The following PM20D1 variants were observed in gnomAD, a reference collection of about 807,000 sequenced individuals.
PM20D1 encodes peptidase M20 domain containing 1, also known as N-fatty-acyl-amino acid synthase/hydrolase PM20D1.
Under a neutral mutation model 53.8 loss-of-function variants are expected in PM20D1, and 53 were observed. The ratio of observed to expected loss-of-function variants is 0.98; its 90% CI spans 0.79 to 1.24. The LOEUF is 1.24. Ranked by LOEUF, PM20D1 falls within the 50% of genes most tolerant of loss-of-function variation. The probability of loss-of-function intolerance (pLI) is 0.00; values close to 1 mark genes in which losing one functional copy is unlikely to be tolerated. For synonymous variants in PM20D1, 239 were observed against 241.3 expected, an observed-to-expected ratio of 0.99 and a Z score of 0.09; for missense variants, 564 against 616.8, an observed-to-expected ratio of 0.91 and a Z score of 0.91.
intron 1 of PM20D1, among the ~76,000 whole-genome samples, chr1:205,848,402 C>T (rs867557682): frequency 1.3e-5 from 2 of 152,216 alleles, no homozygotes; most frequent in African/African-American, 4.8e-5. Flanking sequence ...TGGGTCCCTA[C>T]ATCAATGAGG....
intron 12 of PM20D1, among the ~76,000 whole-genome samples, chr1:205,829,374 G>C (rs1656509380): frequency 6.6e-6 from 1 of 152,028 alleles, no homozygotes; most frequent in Admixed American, 6.6e-5. Flanking sequence ...AGAATGCCTA[G>C]CTAGACTATC....
intron 6 of PM20D1, 98 bp from the exon 7 acceptor site, chr1:205,842,849 T>C (rs1248308922): frequency 9.3e-7 from 1 of 1,079,262 alleles, no homozygotes; most frequent in Non-Finnish European, 1.4e-6. Context: ...GTTTCAACGC[T>C]CCTGGCCAAG....
Position 205,840,307 on chromosome 1 carries a change from G to A in PM20D1, c.1061C>T (p.Pro354Leu), listed in dbSNP as rs779828012. ...KAGVKFNVIP[P>L]VAQATVNFRI... Reference sequence around the variant, plus strand: ...GAAGTTGACTGTGGCCTGGGCCACTGGGGGGATGACATTGAACTAGAGAGA... The same window carrying A: ...GAAGTTGACTGTGGCCTGGGCCACTAGGGGGATGACATTGAACTAGAGAGA... Residue 354 changes from proline to leucine, a missense_variant, in exon 10 of 13, where the codon CCA becomes CTA. Transcript: ENST00000367136. 5 of 1,613,418 alleles carry A rather than the reference G, an allele frequency of 3.1e-6. No homozygotes were observed. Among genetic ancestry groups the A allele is most frequent in the Non-Finnish European group, 4.2e-6 (5 of 1,179,534 alleles).
At position 205,828,353 on chromosome 1, in the gene PM20D1, TA is replaced by T; in HGVS notation, c.*266del. 1 of 328,912 alleles carries T rather than the reference TA, an allele frequency of 3.0e-6. No homozygotes were observed. The highest frequency in any genetic ancestry group is 5.0e-5 in the South Asian group (1 of 19,912). 20.4% of individuals were successfully genotyped at this position (328,912 alleles called of 1,614,324 possible). On this transcript the variant is annotated 3_prime_UTR_variant, in exon 13 of 13. Transcript: ENST00000367136. ...AAGCCTGGAAGGTGAAGCAGTGAAA[TA>T]ACCAGCATAAGACAGATAAGGGACA...
chr1:205,844,529 T>G (rs1656897067), intron 4 of PM20D1, among the ~76,000 whole-genome samples: 1 of 152,200 alleles, frequency 6.6e-6, no homozygotes, highest in Non-Finnish European at 1.5e-5. Flanking sequence ...CAGTTCTTTT[T>G]CCATCACACG....
chr1:205,845,018 C>A, intron 3 of PM20D1, 121 bp from the exon 4 acceptor site: 1 of 828,828 alleles, frequency 1.2e-6, no homozygotes, highest in Admixed American at 2.3e-5. Context: ...GATAGATTCT[C>A]TTGAAAGAGA....
chr1:205,840,345 C>G (rs1185244354), intron 9 of PM20D1, 22 bp from the exon 10 acceptor site: 1 of 1,607,820 alleles, frequency 6.2e-7, no homozygotes. Context: ...AGCACAAAAC[C>G]CTGGCTTGAG....
chr1:205,829,612 A>G (rs1656514408), intron 12 of PM20D1, among the ~76,000 whole-genome samples: 1 of 152,198 alleles, frequency 6.6e-6, no homozygotes. Flanking sequence ...GTACCTACCC[A>G]TCTCCCATTT....
At chr1:205,829,382 A>G (rs1656509519) in intron 12 of PM20D1, among the ~76,000 whole-genome samples, 2 of 152,078 alleles carry the variant, frequency 1.3e-5, no homozygotes, top group Admixed American at 6.6e-5. Flanking sequence ...TAGCTAGACT[A>G]TCTCTAAGCC....
chr1:205,847,101 T>C (rs1657008203), intron 2 of PM20D1, among the ~76,000 whole-genome samples: 1 of 132,316 alleles, frequency 7.6e-6, no homozygotes, highest in Non-Finnish European at 1.6e-5. Flanking sequence ...TACTGCAGCC[T>C]TGAATTCCTG....
chr1:205,845,642 A>G, intron 2 of PM20D1, 85 bp from the exon 3 acceptor site: 1 of 1,168,104 alleles, frequency 8.6e-7, no homozygotes, highest in Non-Finnish European at 1.2e-6. Context: ...CTGTTCCTTT[A>G]TTTATTTATT....
chr1:205,835,262 A>G (rs571769739), intron 10 of PM20D1, among the ~76,000 whole-genome samples: 11 of 152,286 alleles, frequency 7.2e-5, no homozygotes, highest in Admixed American at 1.3e-4. Flanking sequence ...AGGCACAAAA[A>G]TTGAGATGTG....
At chr1:205,845,587 C>A (rs749272018) in intron 2 of PM20D1, 30 bp from the exon 3 acceptor site, 5 of 1,570,794 alleles carry the variant, frequency 3.2e-6, no homozygotes, top group Non-Finnish European at 4.4e-6. Context: ...GAAGAGAGAA[C>A]CAGGGTTAAC....
At chr1:205,828,856 C>G (rs981824419) in intron 12 of PM20D1, 113 bp from the exon 13 acceptor site, 4 of 1,391,974 alleles carry the variant, frequency 2.9e-6, no homozygotes, top group Non-Finnish European at 2.9e-6. Flanking sequence ...ACTACTGGCC[C>G]TCCAGGGCTA....
At chr1:205,848,634 T>C (rs1262376605) in intron 1 of PM20D1, among the ~76,000 whole-genome samples, 2 of 152,164 alleles carry the variant, frequency 1.3e-5, no homozygotes, top group African/African-American at 2.4e-5. Context: ...ACTTTACAGT[T>C]TTAAAGAGTT....
chr1:205,836,110 G>A (rs894868688), intron 10 of PM20D1, among the ~76,000 whole-genome samples: 7 of 152,132 alleles, frequency 4.6e-5, no homozygotes, highest in African/African-American at 1.7e-4. Context: ...TCCTGACCTT[G>A]TGATCTGCCC....
intron 8 of PM20D1, 64 bp downstream of exon 8, chr1:205,842,090 A>C: frequency 6.8e-7 from 1 of 1,477,620 alleles, no homozygotes; most frequent in Non-Finnish European, 9.4e-7. Context: ...AGCCAAGGAG[A>C]GGGGCCTGGG....
At chr1:205,844,246 C>G in intron 4 of PM20D1, 29 bp from the exon 5 acceptor site, 1 of 1,571,396 alleles carries the variant, frequency 6.4e-7, no homozygotes, top group Non-Finnish European at 8.7e-7. Flanking sequence ...GAGCTATAGT[C>G]CTTCTCAGCC....
intron 2 of PM20D1, among the ~76,000 whole-genome samples, chr1:205,847,002 CTTTCT>C (rs1657003354): frequency 1.5e-5 from 1 of 65,206 alleles, no homozygotes; most frequent in African/African-American, 4.7e-5. Flanking sequence ...TCCTTCCTTC[CTTTCT>C]TTTTTTTTTT....
Sources: gnomAD v4.1 joint callset for allele counts (sites outside exome capture counted in the v4.1 genomes callset) on GRCh38, gnomAD v4.1.1 for gene constraint, MANE v1.5 for transcripts, NCBI Gene and HGNC (gene_info 2026-07-23, HGNC 2026-07-21) for gene names.